Variants in SYT14 observed in about 807,000 individuals in gnomAD.
SYT14 encodes the protein synaptotagmin 14, also known as synaptotagmin-14.
Under a neutral mutation model 74.2 loss-of-function variants are expected in SYT14, and 32 were observed. That is an observed-to-expected ratio of 0.43 (90% CI 0.33 to 0.58). The LOEUF (loss-of-function observed/expected upper bound fraction) is 0.58. Among genes scored for constraint, SYT14 ranks in the 20% least tolerant of loss-of-function variants. SYT14 has a pLI of 0.05. For missense variants in SYT14, 791 were observed against 981.8 expected (o/e 0.81, Z 2.60); for synonymous variants, 298 against 337.7 (o/e 0.88, Z 1.29).
intron 2 of SYT14, among the ~76,000 whole-genome samples, chr1:209,958,131 T>C (rs1019163986): frequency 6.6e-6 from 1 of 152,156 alleles, no homozygotes; most frequent in Non-Finnish European, 1.5e-5. Flanking sequence ...TTTTAATGGT[T>C]AAGTAGTAGT....
At chr1:210,131,921 C>T (rs190091831) in intron 7 of SYT14, among the ~76,000 whole-genome samples, 1 of 152,184 alleles carries the variant, frequency 6.6e-6, no homozygotes, top group Admixed American at 6.5e-5. Context: ...CTCTCCTCAC[C>T]CTGCAAAGGT....
chr1:210,021,352 A>G (rs2080299614), intron 5 of SYT14, 98 bp downstream of exon 4: 1 of 1,091,794 alleles, frequency 9.2e-7, no homozygotes, highest in Non-Finnish European at 1.4e-6. Context: ...AATAAACAAG[A>G]GAGCACATAC....
intron 5 of SYT14, among the ~76,000 whole-genome samples, chr1:210,072,464 G>A (rs1320028749): frequency 6.6e-6 from 1 of 151,906 alleles, no homozygotes; most frequent in Non-Finnish European, 1.5e-5. Flanking sequence ...AATAGTATGG[G>A]CAGTGTTAAA....
At chr1:209,952,140 G>A (rs1452558930) in intron 1 of SYT14, among the ~76,000 whole-genome samples, 2 of 151,998 alleles carry the variant, frequency 1.3e-5, no homozygotes, top group Non-Finnish European at 2.9e-5. Context: ...GGCCCAATAA[G>A]TAGAGATTTT....
At chr1:209,995,726 G>A (rs1288575125) in intron 2 of SYT14, among the ~76,000 whole-genome samples, 4 of 151,976 alleles carry the variant, frequency 2.6e-5, no homozygotes, top group African/African-American at 4.8e-5. Context: ...GCCAGCACCT[G>A]CTCAGTCATA....
At chr1:210,082,669 A>C (rs2081638550) in intron 5 of SYT14, among the ~76,000 whole-genome samples, 1 of 152,212 alleles carries the variant, frequency 6.6e-6, no homozygotes, top group South Asian at 2.1e-4. Flanking sequence ...CCTCAACTTT[A>C]TAGCTAGGAG....
chr1:210,025,422 A>T (rs926097037), intron 5 of SYT14, among the ~76,000 whole-genome samples: 32 of 152,256 alleles, frequency 2.1e-4, no homozygotes, highest in African/African-American at 7.7e-4. Context: ...TACAAAGGTT[A>T]AACTTGACTA....
chr1:209,956,631 G>GA (rs905936978), intron 2 of SYT14, among the ~76,000 whole-genome samples: 1 of 152,152 alleles, frequency 6.6e-6, no homozygotes, highest in African/African-American at 2.4e-5. Context: ...GTGAGTCAGT[G>GA]AGCCCAAGAA....
At chr1:210,092,924 T>C (rs1238258108) in intron 5 of SYT14, among the ~76,000 whole-genome samples, 5 of 152,178 alleles carry the variant, frequency 3.3e-5, no homozygotes, top group Admixed American at 3.3e-4. Flanking sequence ...ATAGAGATGA[T>C]TTAAAGTATA....
chr1:210,096,377 G>A (rs2081966934), intron 6 of SYT14, among the ~76,000 whole-genome samples: 1 of 152,216 alleles, frequency 6.6e-6, no homozygotes, highest in Non-Finnish European at 1.5e-5. Context: ...GTGCATGTGT[G>A]TGTGTGAGAG....
intron 5 of SYT14, among the ~76,000 whole-genome samples, chr1:210,076,460 C>T (rs939070589): frequency 8.5e-5 from 13 of 152,206 alleles, no homozygotes; most frequent in South Asian, 4.1e-4. Context: ...TAAGTAACTA[C>T]TACTCATCTA....
At chr1:210,017,259 A>G (rs1373968894) in intron 4 of SYT14, among the ~76,000 whole-genome samples, 2 of 151,988 alleles carry the variant, frequency 1.3e-5, no homozygotes, top group Non-Finnish European at 2.9e-5. Flanking sequence ...GCCATTCAGT[A>G]TTTTTTCTAA....
chr1:210,080,046 T>C (rs2081589431), intron 5 of SYT14, among the ~76,000 whole-genome samples: 1 of 152,378 alleles, frequency 6.6e-6, no homozygotes, highest in South Asian at 2.1e-4. Context: ...TAAATTTAAT[T>C]CTAGATTTAT....
At chr1:210,007,196 C>T (rs1345712264) in intron 2 of SYT14, among the ~76,000 whole-genome samples, 1 of 151,432 alleles carries the variant, frequency 6.6e-6, no homozygotes, top group South Asian at 2.1e-4. Flanking sequence ...ATATAACTGC[C>T]AAAGCCAGTT....
chr1:210,025,751 G>A (rs560776687), intron 5 of SYT14, among the ~76,000 whole-genome samples: 1 of 152,046 alleles, frequency 6.6e-6, no homozygotes, highest in Non-Finnish European at 1.5e-5. Flanking sequence ...CTGTTATGCT[G>A]TCATATTTAA....
chr1:210,016,962 T>C (rs1469806263), exon 4 of SYT14: 4 of 1,231,534 alleles, frequency 3.2e-6, no homozygotes, highest in Non-Finnish European at 4.0e-6. Flanking sequence ...TCTGGGAAAA[T>C]TGAAGAACAA....
At chr1:210,000,659 G>T (rs1457720089) in intron 2 of SYT14, among the ~76,000 whole-genome samples, 1 of 133,366 alleles carries the variant, frequency 7.5e-6, no homozygotes, top group Admixed American at 9.2e-5. Flanking sequence ...GTGTCACCCA[G>T]GCTGGAGTGC....
At chr1:210,154,889 A>G (rs1297858601) in intron 7 of SYT14, among the ~76,000 whole-genome samples, 1 of 152,138 alleles carries the variant, frequency 6.6e-6, no homozygotes, top group African/African-American at 2.4e-5. Flanking sequence ...GCATATGACC[A>G]TTAGGTCAAT....
chr1:210,098,916 A>G (rs2082012263), intron 6 of SYT14, among the ~76,000 whole-genome samples: 1 of 151,968 alleles, frequency 6.6e-6, no homozygotes, highest in Admixed American at 6.6e-5. Context: ...TTGGTCTCGA[A>G]CTCCTGACCT....
Sources: allele counts gnomAD v4.1 joint callset (sites outside exome capture counted in the v4.1 genomes callset), GRCh38; gene constraint gnomAD v4.1.1; transcripts MANE v1.5; gene names NCBI Gene and HGNC (gene_info 2026-07-23, HGNC 2026-07-21).